The following PTPRD variants were observed in gnomAD, a reference collection of about 807,000 sequenced individuals.
The protein encoded by PTPRD is protein tyrosine phosphatase receptor type D, also known as receptor-type tyrosine-protein phosphatase delta.
A neutral mutation model predicts 214.5 loss-of-function variants in PTPRD; 34 were observed. The ratio of observed to expected loss-of-function variants is 0.16; its 90% CI spans 0.12 to 0.21. The LOEUF is 0.21. Among genes scored for constraint, PTPRD ranks in the 10% least tolerant of loss-of-function variants. The pLI is 1.00. For missense variants in PTPRD, 2,545 were observed against 2,398.7 expected, an observed-to-expected ratio of 1.06 and a Z score of -1.27; for synonymous variants, 1,128 against 845.7, an observed-to-expected ratio of 1.33 and a Z score of -5.79.
chr9:8,610,686 G>A (rs971337954), intron 14 of PTPRD, among the ~76,000 whole-genome samples: 78 of 152,302 alleles, frequency 5.1e-4, no homozygotes, highest in African/African-American at 1.7e-3. Flanking sequence ...CAGTCTTGGT[G>A]CACCACTGTG....
intron 14 of PTPRD, among the ~76,000 whole-genome samples, chr9:8,566,142 A>G (rs1050336426): frequency 1.4e-3 from 56 of 40,204 alleles, no homozygotes; most frequent in South Asian, 3.8e-3. Flanking sequence ...GTGTGTGTGT[A>G]TAGCAAGTTT....
At chr9:9,698,845 G>A (rs1267006025) in intron 7 of PTPRD, among the ~76,000 whole-genome samples, 1 of 152,160 alleles carries the variant, frequency 6.6e-6, no homozygotes, top group Non-Finnish European at 1.5e-5. Context: ...ATAAAAGTCT[G>A]ATTAGCCTAA....
intron 3 of PTPRD, among the ~76,000 whole-genome samples, chr9:10,237,662 C>A: frequency 6.6e-6 from 1 of 151,898 alleles, no homozygotes; most frequent in East Asian, 1.9e-4. Flanking sequence ...CCCTCCTCTT[C>A]CTAGGTCTGC....
intron 10 of PTPRD, among the ~76,000 whole-genome samples, chr9:9,019,328 GAAAGAAAGAAC>G (rs1569429648): frequency 2.8e-5 from 1 of 35,964 alleles, no homozygotes; most frequent in Non-Finnish European, 6.7e-5. Context: ...AAGAAAGAAA[GAAAGAAAGAAC>G]GAAAGAAAGA....
chr9:8,469,469 T>A (rs1051264987), intron 31 of PTPRD, among the ~76,000 whole-genome samples: 1 of 152,050 alleles, frequency 6.6e-6, no homozygotes, highest in African/African-American at 2.4e-5. Flanking sequence ...AACAGGATGA[T>A]GACACTTCTG....
At chr9:10,039,748 C>T (rs554632771) in intron 3 of PTPRD, among the ~76,000 whole-genome samples, 6 of 151,692 alleles carry the variant, frequency 4.0e-5, no homozygotes, top group Non-Finnish European at 8.8e-5. Flanking sequence ...TGCTTTAACC[C>T]CTTCTGATTG....
intron 6 of PTPRD, among the ~76,000 whole-genome samples, chr9:9,748,041 T>C (rs73392882): frequency 0.011 from 1,732 of 152,106 alleles, 21 homozygotes; most frequent in African/African-American, 0.031. Context: ...TCCAGAAAAA[T>C]GGCATGAACT....
intron 7 of PTPRD, among the ~76,000 whole-genome samples, chr9:9,633,032 C>G (rs182710032): frequency 6.6e-6 from 1 of 152,060 alleles, no homozygotes. Flanking sequence ...TGGTGGTTCA[C>G]GCCTATAATC....
chr9:9,595,603 C>A (rs921510392), intron 7 of PTPRD, among the ~76,000 whole-genome samples: 1 of 150,924 alleles, frequency 6.6e-6, no homozygotes, highest in Non-Finnish European at 1.5e-5. Context: ...TGATGGAATA[C>A]AATTCAGCCA....
At chr9:8,813,396 C>A (rs1177108628) in intron 11 of PTPRD, among the ~76,000 whole-genome samples, 1 of 152,160 alleles carries the variant, frequency 6.6e-6, no homozygotes, top group Non-Finnish European at 1.5e-5. Context: ...GAAATAAGTA[C>A]AATGCATGCT....
chr9:9,970,873 C>A (rs1465059029), intron 4 of PTPRD, among the ~76,000 whole-genome samples: 1 of 152,182 alleles, frequency 6.6e-6, no homozygotes, highest in Admixed American at 6.5e-5. Flanking sequence ...CTAATTTAGA[C>A]AATCTGCTTA....
chr9:9,271,109 A>G (rs1464945138), intron 9 of PTPRD, among the ~76,000 whole-genome samples: 1 of 151,296 alleles, frequency 6.6e-6, no homozygotes, highest in Non-Finnish European at 1.5e-5. Flanking sequence ...TGCTGATATG[A>G]AGCCTGAAAC....
intron 2 of PTPRD, among the ~76,000 whole-genome samples, chr9:10,449,591 G>C: frequency 6.6e-6 from 1 of 151,516 alleles, no homozygotes; most frequent in Middle Eastern, 3.2e-3. Flanking sequence ...TCTAAGTGAG[G>C]AGGGTCTCTG....
chr9:9,810,132 T>TAAAAAAA (rs2046677433), intron 5 of PTPRD, among the ~76,000 whole-genome samples: 1 of 39,008 alleles, frequency 2.6e-5, no homozygotes, highest in Non-Finnish European at 3.8e-5. Context: ...TACTTCCAGG[T>TAAAAAAA]TAAAAAAAAA....
At chr9:10,193,005 G>A (rs117504983) in intron 3 of PTPRD, among the ~76,000 whole-genome samples, 17 of 151,988 alleles carry the variant, frequency 1.1e-4, no homozygotes, top group Non-Finnish European at 1.6e-4. Flanking sequence ...CCTTTTCCTT[G>A]TATAAAATCC....
intron 9 of PTPRD, among the ~76,000 whole-genome samples, chr9:9,251,152 T>A (rs10977616): frequency 0.25 from 37,678 of 151,898 alleles, 5,360 homozygotes; most frequent in Middle Eastern, 0.34. Context: ...CAGAGATACA[T>A]AAAAATCTAG....
intron 11 of PTPRD, among the ~76,000 whole-genome samples, chr9:8,956,384 A>G (rs1392745949): frequency 6.6e-6 from 1 of 151,940 alleles, no homozygotes; most frequent in Non-Finnish European, 1.5e-5. Context: ...ACACCTGATG[A>G]CTATAATTTT....
At chr9:9,908,173 G>A (rs1310785467) in intron 5 of PTPRD, among the ~76,000 whole-genome samples, 2 of 151,896 alleles carry the variant, frequency 1.3e-5, no homozygotes, top group Non-Finnish European at 2.9e-5. Context: ...GAGATTGAAA[G>A]AAGATGGTAA....
intron 3 of PTPRD, among the ~76,000 whole-genome samples, chr9:10,306,742 A>G (rs564622158): frequency 5.3e-4 from 80 of 152,118 alleles, no homozygotes; most frequent in Non-Finnish European, 9.1e-4. Flanking sequence ...TCAAGTATCA[A>G]CAGCTCCTCA....
Sources: gnomAD v4.1 joint callset for allele counts (sites outside exome capture counted in the v4.1 genomes callset) on GRCh38, gnomAD v4.1.1 for gene constraint, MANE v1.5 for transcripts, NCBI Gene and HGNC (gene_info 2026-07-23, HGNC 2026-07-21) for gene names.